The following SLC35F5 variants were observed in gnomAD, a reference collection of about 807,000 sequenced individuals.
SLC35F5 encodes the protein solute carrier family 35 member F5, also known as HCV NS5A-transactivated protein 3.
In SLC35F5, 54 loss-of-function variants were observed where a neutral mutation model predicts 68.6. The observed-to-expected ratio is 0.79, with a 90% confidence interval of 0.63 to 0.99. The LOEUF is 0.99. SLC35F5 is among the 50% of genes least tolerant of loss of function. The pLI is 0.00. For synonymous variants in SLC35F5, 211 were observed against 205.2 expected (o/e 1.03, Z -0.24); for missense variants, 567 against 626.9 (o/e 0.90, Z 1.02).
At chr2:113,722,483 TC>T (rs1319276768) in intron 13 of SLC35F5, among the ~76,000 whole-genome samples, 1 of 152,198 alleles carries the variant, frequency 6.6e-6, no homozygotes, top group African/African-American at 2.4e-5. Flanking sequence ...ATGGCTATGC[TC>T]CATCTTTCAG....
At chr2:113,740,480 C>A (rs755559051) in intron 7 of SLC35F5, among the ~76,000 whole-genome samples, 3 of 152,060 alleles carry the variant, frequency 2.0e-5, no homozygotes, top group African/African-American at 2.4e-5. Flanking sequence ...AAGGTATGTG[C>A]AGATAATAGT....
At chr2:113,706,324 G>A (rs1686797574), downstream of SLC35F5, among the ~76,000 whole-genome samples, 1 of 152,152 alleles carries the variant, frequency 6.6e-6, no homozygotes, top group Admixed American at 6.5e-5. Context: ...GCCTCCAGCT[G>A]CAGCACCCTG....
At chr2:113,752,819 A>G (rs1266035425) in intron 3 of SLC35F5, among the ~76,000 whole-genome samples, 3 of 152,208 alleles carry the variant, frequency 2.0e-5, no homozygotes, top group African/African-American at 7.2e-5. Context: ...CATAGACTGG[A>G]TATCAGATGA....
intron 7 of SLC35F5, among the ~76,000 whole-genome samples, chr2:113,741,542 A>C (rs1676275183): frequency 6.6e-6 from 1 of 152,092 alleles, no homozygotes; most frequent in Non-Finnish European, 1.5e-5. Context: ...TCTCTACTAA[A>C]AATACAAAAT....
At chr2:113,721,194 T>C (rs1318826090) in intron 13 of SLC35F5, 1 of 151,962 alleles carries the variant, frequency 6.6e-6, no homozygotes, top group Non-Finnish European at 1.5e-5. Flanking sequence ...TCTCTTATGT[T>C]TGTGTTACAG....
At chr2:113,724,148 C>G (rs917443521) in intron 12 of SLC35F5, among the ~76,000 whole-genome samples, 2 of 152,196 alleles carry the variant, frequency 1.3e-5, no homozygotes, top group Non-Finnish European at 2.9e-5. Context: ...GAAACAAGTA[C>G]TTGTGGTTCC....
In SLC35F5 at chr2:113,713,950, C is replaced by T. The variant is rs1414734500; in HGVS notation, c.*1268G>A. 1 of 152,022 alleles carries T rather than the reference C, an allele frequency of 6.6e-6. No individual in the cohort carries two copies. Among genetic ancestry groups the T allele is most frequent in the Non-Finnish European group, 1.5e-5 (1 of 67,962 alleles). The allele number at this position is 152,022 out of a possible 1,614,324, so 9.4% of individuals were successfully genotyped here. ...CACTGCAAAGAGAATTCTTAAAAAT[C>T]AGATTAGTTAAGAAATTTTGAAGAG... On this transcript the variant is annotated 3_prime_UTR_variant, in exon 16 of 16. Transcript: ENST00000245680.
chr2:113,731,633 T>G lies in SLC35F5; in HGVS notation c.936A>C (p.Val312=). 1 of 1,613,018 alleles carries G rather than the reference T, an allele frequency of 6.2e-7. No individual in the cohort carries two copies. Among genetic ancestry groups the G allele is most frequent in the Non-Finnish European group, 8.5e-7 (1 of 1,179,172 alleles). ...TTTCAGACCCTGCCAGGTTTACCAG[T>G]ACAACGCCTCCAATGCTATGAGAAT... ...LAVILSIGGV[V]LVNLAGSEKP... is the part of the protein sequence containing the mutation. The change falls in exon 10 of 16, where the codon GTA becomes GTC. Residue 312 remains valine, a synonymous_variant. Transcript: ENST00000245680.
intron 7 of SLC35F5, 121 bp downstream of exon 7, chr2:113,742,570 AG>A: frequency 1.1e-6 from 1 of 925,496 alleles, no homozygotes; most frequent in South Asian, 1.6e-5. Flanking sequence ...CAAATAGCAG[AG>A]TTTAAAGTCA....
chr2:113,716,648 A>G (rs1055851231), intron 15 of SLC35F5, among the ~76,000 whole-genome samples: 3 of 152,204 alleles, frequency 2.0e-5, no homozygotes, highest in African/African-American at 7.2e-5. Flanking sequence ...AGTCATAAGC[A>G]TGATACTTAG....
At chr2:113,756,160 C>T in intron 1 of SLC35F5, 1 of 1,451,948 alleles carries the variant, frequency 6.9e-7, no homozygotes, top group African/African-American at 1.4e-5. Context: ...GGAGCCGAGG[C>T]GAGGGCGCAC....
At chr2:113,740,647 G>A (rs952130411) in intron 7 of SLC35F5, among the ~76,000 whole-genome samples, 7 of 151,166 alleles carry the variant, frequency 4.6e-5, no homozygotes, top group African/African-American at 7.3e-5. Flanking sequence ...TTTTTTTTGA[G>A]ACAGACCCTC....
At chr2:113,756,253 T>G (rs1240642894) in intron 1 of SLC35F5, 117 bp downstream of exon 1, 4 of 1,538,998 alleles carry the variant, frequency 2.6e-6, no homozygotes, top group Middle Eastern at 3.3e-4. Flanking sequence ...CTAGAGACCT[T>G]CACGGTTTCG....
chr2:113,733,320 C>A, intron 9 of SLC35F5: 1 of 286,336 alleles, frequency 3.5e-6, no homozygotes, highest in South Asian at 3.1e-5. Flanking sequence ...TGTTCGTCTA[C>A]CTACTTTAAT....
intron 8 of SLC35F5, among the ~76,000 whole-genome samples, chr2:113,735,523 T>G (rs921665338): frequency 6.6e-6 from 1 of 152,110 alleles, no homozygotes; most frequent in African/African-American, 2.4e-5. Flanking sequence ...TATTTAAACA[T>G]AGAAAAGGTA....
Position 113,711,486 on chromosome 2 carries a change from T to C in SLC35F5, c.*3732A>G, listed in dbSNP as rs1458223741. Among the ~76,000 whole-genome samples, 6 of 151,864 alleles carry C rather than the reference T, an allele frequency of 4.0e-5. No individual in the cohort carries two copies. Among genetic ancestry groups the C allele is most frequent in the Non-Finnish European group, 8.8e-5 (6 of 67,910 alleles). ...CTATGAAATACTGTATTATTAGTTA[T>C]TGTACAGGCAAATGAGGCTGTTACT... is the stretch of plus-strand genomic sequence containing the variant. On this transcript the variant is annotated 3_prime_UTR_variant, in exon 16 of 16. Coordinates refer to ENST00000245680, the MANE Select transcript of SLC35F5 (RefSeq NM_025181.5).
downstream of SLC35F5, chr2:113,703,850 T>C (rs1481836038): frequency 6.6e-6 from 1 of 152,186 alleles, no homozygotes; most frequent in Non-Finnish European, 1.5e-5. Flanking sequence ...GCTTTGAAGG[T>C]GGGACTCTAA....
At chr2:113,740,391 G>A (rs766920439) in intron 7 of SLC35F5, among the ~76,000 whole-genome samples, 2 of 151,970 alleles carry the variant, frequency 1.3e-5, no homozygotes, top group Non-Finnish European at 2.9e-5. Flanking sequence ...AAAAGCAAAC[G>A]TTTTCCTAAC....
At chr2:113,704,716 C>G (rs2104941158), downstream of SLC35F5, among the ~76,000 whole-genome samples, 1 of 151,956 alleles carries the variant, frequency 6.6e-6, no homozygotes, top group Non-Finnish European at 1.5e-5. Flanking sequence ...GCCCGCCGAG[C>G]CCACACCCAC....
Sources: allele counts gnomAD v4.1 joint callset (sites outside exome capture counted in the v4.1 genomes callset), GRCh38; gene constraint gnomAD v4.1.1; transcripts MANE v1.5; gene names NCBI Gene and HGNC (gene_info 2026-07-23, HGNC 2026-07-21).